CAPS2: variants seen among roughly 807,000 people sequenced by gnomAD.
CAPS2 encodes the protein calcyphosine 2, also known as calcyphosin-2.
A neutral mutation model predicts 86.5 loss-of-function variants in CAPS2; 98 were observed. The observed-to-expected ratio is 1.13, with a 90% CI of 0.96 to 1.34. The LOEUF is 1.34. Ranked by LOEUF, CAPS2 falls within the 40% of genes most tolerant of loss-of-function variation. The pLI, the probability that CAPS2 is intolerant of heterozygous loss-of-function variation, is 0.00. For synonymous variants in CAPS2, 210 were observed against 225.1 expected, an observed-to-expected ratio of 0.93 and a Z score of 0.60; for missense variants, 729 against 686.8, an observed-to-expected ratio of 1.06 and a Z score of -0.69.
At chr12:75,289,990 T>G (rs1240442014) in intron 13 of CAPS2, among the ~76,000 whole-genome samples, 1 of 152,200 alleles carries the variant, frequency 6.6e-6, no homozygotes, top group Non-Finnish European at 1.5e-5. Flanking sequence ...GCCAGAACTA[T>G]AGCACCACTG....
chr12:75,297,311 AG>A (rs1313554486), intron 11 of CAPS2, among the ~76,000 whole-genome samples: 1 of 152,228 alleles, frequency 6.6e-6, no homozygotes, highest in Non-Finnish European at 1.5e-5. Context: ...CTCAAGAGGC[AG>A]GCTTGAGTGT....
chr12:75,358,549 C>A (rs1378584229), intron 1 of CAPS2, among the ~76,000 whole-genome samples: 1 of 150,922 alleles, frequency 6.6e-6, no homozygotes. Context: ...GGGAATGTCA[C>A]AAATCCAACA....
intron 5 of CAPS2, among the ~76,000 whole-genome samples, chr12:75,321,195 G>A (rs1296332421): frequency 6.6e-6 from 1 of 152,070 alleles, no homozygotes; most frequent in East Asian, 1.9e-4. Context: ...AGAAAATGAT[G>A]ACAATAACCC....
At chr12:75,330,109 A>C (rs1162609230), upstream of CAPS2, 1 of 372,616 alleles carries the variant, frequency 2.7e-6, no homozygotes, top group East Asian at 3.9e-5. Flanking sequence ...TTACACTCTG[A>C]CCTCCAGGGA....
chr12:75,288,445 T>TGTATG (rs2035284648), intron 14 of CAPS2, among the ~76,000 whole-genome samples: 1 of 152,178 alleles, frequency 6.6e-6, no homozygotes. Context: ...GTTAAAAGAC[T>TGTATG]GGTCCAAGAT....
At chr12:75,334,904 T>A, upstream of CAPS2, 1 of 1,612,962 alleles carries the variant, frequency 6.2e-7, no homozygotes, top group Non-Finnish European at 8.5e-7. Flanking sequence ...AAATACATGG[T>A]GAGAAAGAAC....
chr12:75,338,503 T>TATTTC (rs1284883081), intron 1 of CAPS2, among the ~76,000 whole-genome samples: 1 of 152,206 alleles, frequency 6.6e-6, no homozygotes, highest in Non-Finnish European at 1.5e-5. Context: ...CAATTCCTTT[T>TATTTC]ATTTCATTTT....
intron 14 of CAPS2, 36 bp downstream of exon 14, chr12:75,289,583 CAT>C (rs2035485736): frequency 6.4e-7 from 1 of 1,560,150 alleles, no homozygotes; most frequent in South Asian, 1.2e-5. Context: ...CTAAGAATAA[CAT>C]ATTATCTGCT....
chr12:75,307,191 A>G (rs1389787697), intron 7 of CAPS2, among the ~76,000 whole-genome samples: 1 of 152,264 alleles, frequency 6.6e-6, no homozygotes, highest in Non-Finnish European at 1.5e-5. Flanking sequence ...TTAATAAAAG[A>G]AAGAATATTG....
At chr12:75,360,332 A>G (rs2043489342) in intron 1 of CAPS2, 1 of 152,182 alleles carries the variant, frequency 6.6e-6, no homozygotes, top group Non-Finnish European at 1.5e-5. Context: ...TCCATAATCC[A>G]AAGTCTCATC....
intron 1 of CAPS2, among the ~76,000 whole-genome samples, chr12:75,339,180 T>C (rs1565950454): frequency 6.6e-6 from 1 of 152,242 alleles, no homozygotes; most frequent in Non-Finnish European, 1.5e-5. Flanking sequence ...ATTGCCACAC[T>C]GTCCTCCACA....
intron 1 of CAPS2, among the ~76,000 whole-genome samples, chr12:75,383,767 T>G (rs1294013437): frequency 6.6e-6 from 1 of 152,140 alleles, no homozygotes; most frequent in Non-Finnish European, 1.5e-5. Flanking sequence ...CAAAATAAAC[T>G]ATATTCTGGA....
intron 14 of CAPS2, among the ~76,000 whole-genome samples, chr12:75,286,501 T>G (rs927507132): frequency 6.6e-6 from 1 of 151,702 alleles, no homozygotes; most frequent in Non-Finnish European, 1.5e-5. Context: ...AAATACATAT[T>G]TATATTTATA....
At chr12:75,363,220 T>C (rs2043734304) in intron 1 of CAPS2, 2 of 1,010,994 alleles carry the variant, frequency 2.0e-6, no homozygotes, top group Non-Finnish European at 2.7e-6. Flanking sequence ...TATAATTACA[T>C]TTAGAGAGTA....
exon 1 of CAPS2, chr12:75,326,489 C>T (rs1317981455): frequency 6.5e-7 from 1 of 1,542,048 alleles, no homozygotes; most frequent in Non-Finnish European, 8.8e-7. Context: ...CCTTTAACCT[C>T]TAAATCCATT....
At chr12:75,360,233 C>A (rs1262020533) in intron 1 of CAPS2, 1 of 152,118 alleles carries the variant, frequency 6.6e-6, no homozygotes, top group Non-Finnish European at 1.5e-5. Context: ...CCAGCCCATC[C>A]AAATCTCTTG....
intron 1 of CAPS2, among the ~76,000 whole-genome samples, chr12:75,383,385 A>G (rs950174674): frequency 1.6e-4 from 24 of 152,176 alleles, no homozygotes; most frequent in Non-Finnish European, 1.5e-5. Context: ...CAAGATAGCT[A>G]TATTAATTTT....
chr12:75,281,083 T>A (rs1406545496), intron 16 of CAPS2, among the ~76,000 whole-genome samples: 1 of 151,838 alleles, frequency 6.6e-6, no homozygotes, highest in Non-Finnish European at 1.5e-5. Flanking sequence ...ATGAAGGAAC[T>A]CCATGTAAAA....
chr12:75,283,668 G>A (rs995273864), intron 15 of CAPS2, among the ~76,000 whole-genome samples: 1 of 152,034 alleles, frequency 6.6e-6, no homozygotes. Context: ...ACAAAAATTA[G>A]CCAGGCATCG....
Sources: allele counts gnomAD v4.1 joint callset (sites outside exome capture counted in the v4.1 genomes callset), GRCh38; gene constraint gnomAD v4.1.1; transcripts MANE v1.5; gene names NCBI Gene and HGNC (gene_info 2026-07-23, HGNC 2026-07-21).